Variants in PABIR2 observed in about 807,000 individuals in gnomAD.
PABIR2 encodes the protein PABIR family member 2.
PABIR2 carries 7 observed loss-of-function variants against 22.8 expected under a neutral mutation model. That is an observed-to-expected ratio of 0.31 (90% CI 0.17 to 0.58). PABIR2 has a LOEUF of 0.58. Among genes scored for constraint, PABIR2 ranks in the 20% least tolerant of loss-of-function variants. PABIR2 has a pLI of 0.89. For missense variants in PABIR2, 155 were observed against 205.1 expected, an observed-to-expected ratio of 0.76 and a Z score of 1.49; for synonymous variants, 67 against 73.8, an observed-to-expected ratio of 0.91 and a Z score of 0.47.
In PABIR2 at chrX:134,797,030, C is replaced by T. The variant is rs2079889901; in HGVS notation, c.-825G>A. On this transcript the variant is annotated 5_prime_UTR_variant, in exon 1 of 10. Coordinates refer to ENST00000343004, the MANE Select transcript of PABIR2 (RefSeq NM_001387468.1). ...CCTCGAGGACAGGTTGGGGGTTCGG[C>T]CTCTCAGCCGCCGCCGCGGTGCCTC... The T allele has an allele frequency of 8.8e-6, 1 of 114,062 alleles. No homozygotes were observed. Among genetic ancestry groups the T allele is most frequent in the Non-Finnish European group, 1.9e-5 (1 of 54,009 alleles). 9.4% of individuals were successfully genotyped at this position (114,062 alleles called of 1,213,427 possible). A position where few individuals can be genotyped will look rare whatever the true frequency, so the allele number is the denominator to read the frequency against.
intron 6 of PABIR2, 73 bp from the exon 7 acceptor site, chrX:134,787,606 CTTTCTT>C: frequency 1.3e-5 from 4 of 298,828 alleles, no homozygotes; most frequent in South Asian, 8.1e-5. Context: ...CTCCAGTTTT[CTTTCTT>C]TTTTTTTTTT....
chrX:134,777,427 G>A (rs1462094410), intron 9 of PABIR2, among the ~76,000 whole-genome samples: 1 of 109,237 alleles, frequency 9.2e-6, no homozygotes, highest in Non-Finnish European at 1.9e-5. Context: ...TCGGGAGGCC[G>A]AGGTGGGTGG....
At chrX:134,796,025 G>T in intron 1 of PABIR2, 83 bp downstream of exon 1, 1 of 955,185 alleles carries the variant, frequency 1.0e-6, no homozygotes, top group Non-Finnish European at 1.5e-6. Flanking sequence ...GAGCTCAAAC[G>T]TGCACTTTAA....
At chrX:134,782,208 G>C (rs1271552855) in intron 8 of PABIR2, among the ~76,000 whole-genome samples, 1 of 111,858 alleles carries the variant, frequency 8.9e-6, no homozygotes, top group Non-Finnish European at 1.9e-5. Context: ...AAGCAAGGCT[G>C]ACCACAGTAG....
intron 9 of PABIR2, among the ~76,000 whole-genome samples, chrX:134,777,212 T>C (rs1338894614): frequency 8.9e-6 from 1 of 112,506 alleles, no homozygotes; most frequent in Non-Finnish European, 1.9e-5. Flanking sequence ...CATCTGATTC[T>C]GATTAATGAA....
intron 2 of PABIR2, among the ~76,000 whole-genome samples, chrX:134,792,674 G>A (rs1311113069): frequency 8.9e-6 from 1 of 112,145 alleles, no homozygotes; most frequent in Non-Finnish European, 1.9e-5. Context: ...TACTAATTGT[G>A]CGATTCTGAG....
chrX:134,788,425 T>G (rs1050729336), intron 6 of PABIR2, among the ~76,000 whole-genome samples: 1 of 97,263 alleles, frequency 1.0e-5, no homozygotes, highest in African/African-American at 4.1e-5. Context: ...TATATATGTG[T>G]AATATATACA....
chrX:134,777,092 A>G (rs1212451386), intron 9 of PABIR2, among the ~76,000 whole-genome samples: 1 of 112,359 alleles, frequency 8.9e-6, no homozygotes, highest in South Asian at 3.6e-4. Flanking sequence ...CAGCCCTATC[A>G]AGCCTAGCAC....
intron 8 of PABIR2, among the ~76,000 whole-genome samples, chrX:134,785,599 G>A (rs1442431368): frequency 6.4e-5 from 7 of 110,147 alleles, no homozygotes; most frequent in African/African-American, 1.7e-4. Flanking sequence ...CTGCCACCAC[G>A]CCCAGCTAAT....
In PABIR2 at chrX:134,785,445, A is replaced by AG. The variant is rs2079284442; in HGVS notation, c.562+440_562+441insC. ...ATACTGTGAAATGATGATCACAGTC[A>AG]ATTTTTTTTTTTTTGAGATGGAGTG... is the stretch of plus-strand genomic sequence containing the variant. On this transcript the variant is annotated intron_variant, in intron 8 of 9. Transcript: ENST00000343004. Among the ~76,000 whole-genome samples the AG allele has an allele frequency of 1.9e-4, 21 of 109,458 alleles. No individual in the cohort carries two copies. The South Asian group carries it at 7.0e-3, about 37-fold the overall frequency.
rs764162290 is a variant in PABIR2 at position 134,781,730 on chromosome X, AT to A, written c.659+90del. On this transcript the variant is annotated intron_variant, in intron 9 of 9. Coordinates refer to ENST00000343004, the MANE Select transcript of PABIR2 (RefSeq NM_001387468.1). Reference sequence around the variant, plus strand: ...AAATATTAACAAAATTCAAAAAAAAATATTTTAAATTATCCCAATATACTTT... The same window carrying A: ...AAATATTAACAAAATTCAAAAAAAAAATTTTAAATTATCCCAATATACTTT... The A allele has an allele frequency of 3.7e-3, 2,128 of 574,550 alleles. 6 individuals are homozygous for A. The highest frequency in any genetic ancestry group is 8.4e-3 in the Middle Eastern group (14 of 1,674). The allele number at this position is 574,550 out of a possible 1,213,427, so 47.3% of individuals were successfully genotyped here. A position where few individuals can be genotyped will look rare whatever the true frequency, so the allele number is the denominator to read the frequency against.
chrX:134,770,378 C>A lies in PABIR2; in HGVS notation c.*1761G>T, dbSNP rs371161622. On this transcript the variant is annotated 3_prime_UTR_variant, in exon 10 of 10. Transcript: ENST00000343004. ...GATGAGAGCAATACAAGAAATAAAG[C>A]CATTAATGGCTGTTATGGTTACAAT... The A allele has an allele frequency of 8.9e-6, 1 of 112,321 alleles. No homozygotes were observed. Among genetic ancestry groups the A allele is most frequent in the Non-Finnish European group, 1.9e-5 (1 of 53,183 alleles). 9.3% of individuals were successfully genotyped at this position (112,321 alleles called of 1,213,427 possible). A position where few individuals can be genotyped will look rare whatever the true frequency, so the allele number is the denominator to read the frequency against.
At position 134,793,810 on chromosome X, in the gene PABIR2, C is replaced by T. The variant is rs766777630; in HGVS notation, c.177+5G>A. The stretch of plus-strand genomic sequence containing the variant: ...ATCACTTCAGATACTTACTTCTATA[C>T]TTACCAGGCTGTGACGGCTCATAAT... On this transcript the variant is annotated splice_donor_5th_base_variant and intron_variant, in intron 2 of 9. Coordinates refer to ENST00000343004, the MANE Select transcript of PABIR2 (RefSeq NM_001387468.1). The T allele has an allele frequency of 6.6e-6, 8 of 1,206,889 alleles. No homozygotes were observed. The highest frequency in any genetic ancestry group is 9.0e-6 in the Non-Finnish European group (8 of 891,645).
chrX:134,791,395 TGA>T, intron 2 of PABIR2, among the ~76,000 whole-genome samples: 1 of 109,771 alleles, frequency 9.1e-6, no homozygotes, highest in East Asian at 2.8e-4. Context: ...TGGCCAGAAA[TGA>T]GGAGACAAGG....
chrX:134,784,115 G>A (rs2079236332), intron 8 of PABIR2, among the ~76,000 whole-genome samples: 1 of 108,364 alleles, frequency 9.2e-6, no homozygotes, highest in African/African-American at 3.4e-5. Flanking sequence ...GTTAAGACTC[G>A]TTTAAAATGA....
At chrX:134,789,332 C>A (rs1054267388) in intron 3 of PABIR2, 66 bp from the exon 4 acceptor site, 3 of 1,157,399 alleles carry the variant, frequency 2.6e-6, no homozygotes, top group Non-Finnish European at 3.5e-6. Flanking sequence ...CTTCCACACA[C>A]TGCAATTTTT....
chrX:134,777,998 A>G (rs1208223804), intron 9 of PABIR2, among the ~76,000 whole-genome samples: 1 of 100,977 alleles, frequency 9.9e-6, no homozygotes, highest in Non-Finnish European at 2.0e-5. Flanking sequence ...GGTTCAAGCA[A>G]TTCTCCTGCC....
In PABIR2 at chrX:134,771,308, C is replaced by G; in HGVS notation, c.*831G>C. 2 of 1,153,403 alleles carry G rather than the reference C, an allele frequency of 1.7e-6. No homozygotes were observed. The highest frequency in any genetic ancestry group is 2.3e-6 in the Non-Finnish European group (2 of 871,298). ...AACTATTCATTCATTTGTAGATGCT[C>G]CACACATCTGGTCAAGGCAGGAATT... On this transcript the variant is annotated 3_prime_UTR_variant, in exon 10 of 10. Transcript: ENST00000343004.
chrX:134,784,556 C>T (rs1267798591), intron 8 of PABIR2, among the ~76,000 whole-genome samples: 1 of 108,848 alleles, frequency 9.2e-6, no homozygotes, highest in Non-Finnish European at 1.9e-5. Flanking sequence ...CGGCTCACTG[C>T]AACCTCTGCT....
Sources: allele counts gnomAD v4.1 joint callset (sites outside exome capture counted in the v4.1 genomes callset), GRCh38; gene constraint gnomAD v4.1.1; transcripts MANE v1.5; gene names NCBI Gene and HGNC (gene_info 2026-07-23, HGNC 2026-07-21).